The following QPRT variants were observed in gnomAD, a reference collection of about 807,000 sequenced individuals.
QPRT encodes quinolinate phosphoribosyltransferase, also known as nicotinate-nucleotide pyrophosphorylase [carboxylating].
QPRT carries 17 observed loss-of-function variants against 19.8 expected under a neutral mutation model. The observed-to-expected ratio is 0.86, with a 90% CI of 0.59 to 1.29. The LOEUF (loss-of-function observed/expected upper bound fraction) is 1.29, where lower values mean the gene tolerates loss of function less well. QPRT is among the 50% of genes most tolerant of loss of function. The pLI, the probability that QPRT is intolerant of heterozygous loss-of-function variation, is 0.00. For missense variants in QPRT, 336 were observed against 405.1 expected, an observed-to-expected ratio of 0.83 and a Z score of 1.46; for synonymous variants, 178 against 191.0, an observed-to-expected ratio of 0.93 and a Z score of 0.56.
At chr16:29,691,897 T>G (rs943501611) in intron 1 of QPRT, among the ~76,000 whole-genome samples, 22 of 152,012 alleles carry the variant, frequency 1.4e-4, no homozygotes, top group Non-Finnish European at 2.9e-4. Context: ...GAGTGGAGAC[T>G]CAGCAGCTTG....
Position 29,698,659 on chromosome 16 carries a change from C to T in QPRT, c.*1248C>T, listed in dbSNP as rs770716932. 2.6e-5 allele frequency: 4 copies of T among 152,226 alleles called. No homozygotes were observed. The highest frequency in any genetic ancestry group is 4.4e-5 in the Non-Finnish European group (3 of 68,060). 9.4% of individuals were successfully genotyped at this position (152,226 alleles called of 1,614,324 possible). A position where few individuals can be genotyped will look rare whatever the true frequency, so the allele number is the denominator to read the frequency against. On this transcript the variant is annotated 3_prime_UTR_variant, in exon 4 of 4. Coordinates refer to ENST00000395384, the MANE Select transcript of QPRT (RefSeq NM_014298.6). Reference sequence around the variant, plus strand: ...GGATCTCAGCTATTAAGATGCAAGTCTGCCAATGCTCCTGGCCAAATAAAC... The same window carrying T: ...GGATCTCAGCTATTAAGATGCAAGTTTGCCAATGCTCCTGGCCAAATAAAC...
chr16:29,697,121 G>A lies in QPRT; in HGVS notation c.675G>A (p.Lys225=). Residue 225 remains lysine, a synonymous_variant, in exon 3 of 4, where the codon AAG becomes AAA. Coordinates refer to ENST00000395384, the MANE Select transcript of QPRT (RefSeq NM_014298.6). The surrounding 1 kb of genome is among the most constrained non-coding windows in gnomAD (Gnocchi z 4.4). ...ACCTTGTCCTGCTGGACAACTTCAA[G>A]CCAGAGGTAAGGTGGGCTCTGCCTC... ...GADLVLLDNF[K]PEELHPTATV... The A allele has an allele frequency of 6.2e-7, 1 of 1,605,674 alleles. No homozygotes were observed. Among genetic ancestry groups the A allele is most frequent in the Admixed American group, 1.7e-5 (1 of 59,518 alleles).
intron 1 of QPRT, among the ~76,000 whole-genome samples, chr16:29,683,392 G>C (rs1050804844): frequency 6.6e-6 from 1 of 150,844 alleles, no homozygotes; most frequent in Admixed American, 6.6e-5. Flanking sequence ...GTCTCACCCT[G>C]TTGCCTAGGC....
intron 1 of QPRT, among the ~76,000 whole-genome samples, chr16:29,680,371 C>A (rs1966963323): frequency 6.6e-6 from 1 of 152,142 alleles, no homozygotes; most frequent in South Asian, 2.1e-4. Flanking sequence ...CCAGAGCATT[C>A]TGTGTAAAGC....
chr16:29,686,183 C>T (rs958808678), intron 1 of QPRT, among the ~76,000 whole-genome samples: 1 of 152,098 alleles, frequency 6.6e-6, no homozygotes, highest in Non-Finnish European at 1.5e-5. Flanking sequence ...TTTATGATGG[C>T]TTCTGCGATC....
rs544088341 is a variant in QPRT, at chr16:29,690,872, G to A, written c.14-3792G>A. On this transcript the variant is annotated intron_variant, in intron 1 of 3. Transcript: ENST00000395384. ...GCCCGGCTAGTTTTTGTATTTTTTCGTAGAGATGGGATTTCACCATGTTGG... is the reference window on the plus strand; with the variant it reads ...GCCCGGCTAGTTTTTGTATTTTTTCATAGAGATGGGATTTCACCATGTTGG... Among the ~76,000 whole-genome samples, 58 of 151,876 alleles carry A rather than the reference G, an allele frequency of 3.8e-4. 1 individual carries two copies. Among genetic ancestry groups the A allele is most frequent in the Middle Eastern group, 6.8e-3 (2 of 294 alleles).
intron 1 of QPRT, among the ~76,000 whole-genome samples, chr16:29,683,218 C>T (rs143013615): frequency 3.1e-4 from 47 of 151,634 alleles, no homozygotes; most frequent in African/African-American, 8.9e-4. Flanking sequence ...GTAGAGACAG[C>T]GCTTCACCAT....
chr16:29,692,354 G>A (rs1458442240), intron 1 of QPRT, among the ~76,000 whole-genome samples: 2 of 151,956 alleles, frequency 1.3e-5, no homozygotes, highest in African/African-American at 4.8e-5. Flanking sequence ...GCCGAGGCGG[G>A]CGGATCACGA....
At chr16:29,696,745 C>T (rs1486123636) in intron 2 of QPRT, 8 of 409,124 alleles carry the variant, frequency 2.0e-5, no homozygotes, top group Non-Finnish European at 3.5e-5. Flanking sequence ...TGCACCACTG[C>T]ACTCCAGCCT....
chr16:29,689,472 A>T (rs534255827), intron 1 of QPRT, among the ~76,000 whole-genome samples: 2 of 152,220 alleles, frequency 1.3e-5, no homozygotes, highest in Non-Finnish European at 2.9e-5. Context: ...GGTTGTACAC[A>T]TTATTTAGTC....
chr16:29,687,333 A>C (rs1392695684), intron 1 of QPRT, among the ~76,000 whole-genome samples: 1 of 152,160 alleles, frequency 6.6e-6, no homozygotes, highest in African/African-American at 2.4e-5. Flanking sequence ...AAACGGCCAA[A>C]TATTGGCAAT....
At chr16:29,694,009 G>C (rs775428587) in intron 1 of QPRT, among the ~76,000 whole-genome samples, 5 of 151,128 alleles carry the variant, frequency 3.3e-5, no homozygotes, top group Admixed American at 6.6e-5. Flanking sequence ...ATTTTTAGTA[G>C]AGACCATGTT....
At chr16:29,680,863 C>T (rs540630868) in intron 1 of QPRT, among the ~76,000 whole-genome samples, 47 of 152,278 alleles carry the variant, frequency 3.1e-4, no homozygotes, top group African/African-American at 1.1e-3. Context: ...ATTGCTTGAA[C>T]CCCAGTGGCG....
At chr16:29,686,604 C>G (rs1967168770) in intron 1 of QPRT, among the ~76,000 whole-genome samples, 1 of 152,172 alleles carries the variant, frequency 6.6e-6, no homozygotes, top group South Asian at 2.1e-4. Context: ...TCAAGCAATT[C>G]TCTGCCTCAG....
In QPRT at chr16:29,697,067, G is replaced by A. The variant is rs761211774; in HGVS notation, c.621G>A (p.Glu207=). Residue 207 remains glutamate, a synonymous_variant, in exon 3 of 4, where the codon GAG becomes GAA. Coordinates refer to ENST00000395384, the MANE Select transcript of QPRT (RefSeq NM_014298.6). The surrounding 1 kb of genome is among the most constrained non-coding windows in gnomAD (Gnocchi z 4.4). The part of the protein sequence containing the change: ...KVEVECSSLQ[E]AVQAAEAGAD... ...AAGTGGAATGCAGCAGCCTGCAGGA[G>A]GCCGTGCAGGCAGCTGAGGCTGGTG... 2.5e-6 allele frequency: 4 copies of A among 1,611,868 alleles called. No individual in the cohort carries two copies. Among genetic ancestry groups the A allele is most frequent in the Non-Finnish European group, 3.4e-6 (4 of 1,179,172 alleles).
chr16:29,679,120 T>C (rs1966913092), upstream of QPRT: 1 of 1,613,046 alleles, frequency 6.2e-7, no homozygotes, highest in Non-Finnish European at 8.5e-7. Context: ...CCCTCCACAG[T>C]CCCACCCCCA....
intron 1 of QPRT, among the ~76,000 whole-genome samples, chr16:29,693,631 G>GA (rs1226571199): frequency 2.6e-5 from 4 of 151,884 alleles, no homozygotes; most frequent in African/African-American, 9.7e-5. Context: ...CTGTCACCCA[G>GA]GCTGGAGTGC....
Position 29,697,280 on chromosome 16 carries a change from A to G in QPRT, c.763A>G (p.Asn255Asp). ...VEASGGITLD[N>D]LPQFCGPHID... ...AGCCAGTGGGGGCATCACCCTGGAC[A>G]ACCTCCCCCAGTTCTGCGGGCCGCA... Residue 255 changes from asparagine (N) to aspartate (D), a missense_variant, in exon 4 of 4, where the codon AAC becomes GAC. Asn to Asp is a conservative substitution (Grantham distance 23, BLOSUM62 1). Transcript: ENST00000395384. The surrounding 1 kb of genome is among the most constrained non-coding windows in gnomAD (Gnocchi z 4.4). 1 of 1,614,126 alleles carries G rather than the reference A, an allele frequency of 6.2e-7. No individual in the cohort carries two copies. The highest frequency in any genetic ancestry group is 8.5e-7 in the Non-Finnish European group (1 of 1,180,006).
In QPRT at chr16:29,693,744, G is replaced by T. The variant is rs139624651; in HGVS notation, c.14-920G>T. 3.2e-3 allele frequency among the ~76,000 whole-genome samples: 489 copies of T among 151,688 alleles called. 2 individuals are homozygous for T. The highest frequency in any genetic ancestry group is 0.011 in the African/African-American group (465 of 41,346). ...TGGGATTGCAGGCGCCTGCCACCAC[G>T]CCCGGCTAATTTTTGTATTTTTAGT... On this transcript the variant is annotated intron_variant, in intron 1 of 3. Transcript: ENST00000395384.
Sources: allele counts gnomAD v4.1 joint callset (sites outside exome capture counted in the v4.1 genomes callset), GRCh38; gene constraint gnomAD v4.1.1; non-coding constraint Gnocchi (gnomAD v3.1); transcripts MANE v1.5; gene names NCBI Gene and HGNC (gene_info 2026-07-23, HGNC 2026-07-21).